The following ATXN7L1 variants were observed in gnomAD, a reference collection of about 807,000 sequenced individuals.
The protein encoded by ATXN7L1 is ataxin-7-like protein 1.
In ATXN7L1, 15 loss-of-function variants were observed where a neutral mutation model predicts 70.8. The observed-to-expected ratio is 0.21, with a 90% CI of 0.14 to 0.33. The LOEUF (loss-of-function observed/expected upper bound fraction) is 0.33. Ranked by LOEUF, ATXN7L1 falls within the 10% of genes least tolerant of loss-of-function variation. The probability of loss-of-function intolerance (pLI) is 1.00; values close to 1 mark genes in which losing one functional copy is unlikely to be tolerated. For missense variants in ATXN7L1, 975 were observed against 1,097.1 expected (o/e 0.89, Z 1.57); for synonymous variants, 440 against 445.1 (o/e 0.99, Z 0.14).
intron 2 of ATXN7L1, among the ~76,000 whole-genome samples, chr7:105,830,052 T>C (rs1336804677): frequency 6.6e-6 from 1 of 152,134 alleles, no homozygotes; most frequent in Non-Finnish European, 1.5e-5. Flanking sequence ...GTGGTAGATG[T>C]TACCCCATCC....
At chr7:105,846,657 C>A (rs1023598107) in intron 2 of ATXN7L1, among the ~76,000 whole-genome samples, 14 of 152,198 alleles carry the variant, frequency 9.2e-5, no homozygotes, top group Admixed American at 2.0e-4. Context: ...AAAACTTATA[C>A]ACATGCTCAC....
intron 3 of ATXN7L1, among the ~76,000 whole-genome samples, chr7:105,786,589 T>G (rs1585002138): frequency 6.6e-6 from 1 of 152,172 alleles, no homozygotes; most frequent in African/African-American, 2.4e-5. Context: ...GGCACAATCA[T>G]AGCTCACAGC....
At chr7:105,694,136 C>A (rs1479591377) in intron 3 of ATXN7L1, among the ~76,000 whole-genome samples, 1 of 151,912 alleles carries the variant, frequency 6.6e-6, no homozygotes, top group Non-Finnish European at 1.5e-5. Flanking sequence ...CAACCTCCGC[C>A]TCCCGGGTTC....
chr7:105,626,697 A>G lies in ATXN7L1; in HGVS notation c.1203-2430T>C, dbSNP rs1354904169. 2.0e-5 allele frequency among the ~76,000 whole-genome samples: 3 copies of G among 152,280 alleles called. No homozygotes were observed. The East Asian group carries it at 5.8e-4, about 29-fold the overall frequency. ...CTTCTGTATCAGGAAGAGCAACAAC[A>G]CTATTGTCTGCTTACCGCTGAAGAC... On this transcript the variant is annotated intron_variant, in intron 7 of 11. Coordinates refer to ENST00000419735, the MANE Select transcript of ATXN7L1 (RefSeq NM_020725.2).
intron 3 of ATXN7L1, among the ~76,000 whole-genome samples, chr7:105,694,801 C>T (rs1036067662): frequency 6.6e-6 from 1 of 152,196 alleles, no homozygotes; most frequent in Non-Finnish European, 1.5e-5. Flanking sequence ...CCCTCTATGG[C>T]GCTTCCAGAG....
At chr7:105,772,602 T>C (rs1374489831) in intron 3 of ATXN7L1, among the ~76,000 whole-genome samples, 1 of 152,130 alleles carries the variant, frequency 6.6e-6, no homozygotes, top group African/African-American at 2.4e-5. Flanking sequence ...ACAATTAAGC[T>C]TACATATACC....
intron 3 of ATXN7L1, among the ~76,000 whole-genome samples, chr7:105,772,305 G>A (rs566622213): frequency 1.7e-3 from 259 of 151,984 alleles, no homozygotes; most frequent in Non-Finnish European, 3.1e-3. Context: ...AACTCCTGAC[G>A]TCAGGTGATC....
intron 2 of ATXN7L1, among the ~76,000 whole-genome samples, chr7:105,797,565 T>C (rs1806178241): frequency 6.6e-6 from 1 of 152,286 alleles, no homozygotes; most frequent in Non-Finnish European, 1.5e-5. Flanking sequence ...CCCTGGAGTT[T>C]GGAAGCCCAA....
rs1338967045 is a variant in ATXN7L1, at chr7:105,627,861, T to TC, written c.1203-3595_1203-3594insG. ...CTTTAGTTTTTTTTTTTTTTTTTTT[T>TC]TGAGATGGAGTCTTGCTCTGTCACC... On this transcript the variant is annotated intron_variant, in intron 7 of 11. Coordinates refer to ENST00000419735, the MANE Select transcript of ATXN7L1 (RefSeq NM_020725.2). Among the ~76,000 whole-genome samples the TC allele has an allele frequency of 2.0e-5, 3 of 146,910 alleles. No homozygotes were observed. In the East Asian group the frequency reaches 6.0e-4, roughly 29 times the overall value.
chr7:105,712,135 G>A (rs555969894), intron 3 of ATXN7L1, among the ~76,000 whole-genome samples: 1 of 152,350 alleles, frequency 6.6e-6, no homozygotes, highest in Admixed American at 6.5e-5. Context: ...TGTGGCTGGA[G>A]CTGGAGCGGC....
At chr7:105,783,919 G>C (rs1006623694) in intron 3 of ATXN7L1, among the ~76,000 whole-genome samples, 3 of 152,090 alleles carry the variant, frequency 2.0e-5, no homozygotes, top group African/African-American at 7.2e-5. Context: ...GTGGGACTGA[G>C]CCTTTAACCT....
At chr7:105,617,671 C>T in intron 9 of ATXN7L1, 1 of 321,334 alleles carries the variant, frequency 3.1e-6, no homozygotes, top group Non-Finnish European at 6.1e-6. Context: ...CTGGGCTGTG[C>T]CCTGGTTTAA....
intron 3 of ATXN7L1, among the ~76,000 whole-genome samples, chr7:105,670,934 G>A (rs551183187): frequency 5.5e-4 from 84 of 152,076 alleles, no homozygotes; most frequent in African/African-American, 1.9e-3. Context: ...GTGAAACCCT[G>A]TCTCTACTAA....
chr7:105,641,774 T>TG (rs1798296852), intron 5 of ATXN7L1, among the ~76,000 whole-genome samples: 1 of 152,334 alleles, frequency 6.6e-6, no homozygotes, highest in South Asian at 2.1e-4. Flanking sequence ...TGACAGTGGG[T>TG]GAGCAGCGCA....
At chr7:105,712,482 C>T (rs570046333) in intron 3 of ATXN7L1, among the ~76,000 whole-genome samples, 18 of 152,316 alleles carry the variant, frequency 1.2e-4, no homozygotes, top group African/African-American at 4.1e-4. Flanking sequence ...CTTTGTTCAG[C>T]ACATGAGCAT....
intron 3 of ATXN7L1, among the ~76,000 whole-genome samples, chr7:105,728,296 C>T (rs965928611): frequency 6.6e-6 from 1 of 152,108 alleles, no homozygotes; most frequent in Non-Finnish European, 1.5e-5. Flanking sequence ...GTCCTCTATT[C>T]GATAACATTG....
At chr7:105,761,351 T>C in intron 3 of ATXN7L1, 1 of 1,613,680 alleles carries the variant, frequency 6.2e-7, no homozygotes, top group Non-Finnish European at 8.5e-7. Context: ...TTTCAGAAGT[T>C]GTACGTCTCT....
chr7:105,744,358 G>C lies in ATXN7L1; in HGVS notation c.355+44246C>G, dbSNP rs182537295. Among the ~76,000 whole-genome samples, 213 of 152,236 alleles carry C rather than the reference G, an allele frequency of 1.4e-3. 1 individual carries two copies. Among genetic ancestry groups the C allele is most frequent in the African/African-American group, 4.5e-3 (188 of 41,548 alleles). Reference sequence around the variant, plus strand: ...GGAGACTAAATCCGCTAGGGAGAGAGTCCCTTATCTTGCCCAAGAGCTTAG... The same window carrying C: ...GGAGACTAAATCCGCTAGGGAGAGACTCCCTTATCTTGCCCAAGAGCTTAG... On this transcript the variant is annotated intron_variant, in intron 3 of 11. Transcript: ENST00000419735.
intron 4 of ATXN7L1, among the ~76,000 whole-genome samples, chr7:105,661,420 G>A (rs1231454876): frequency 6.6e-6 from 1 of 152,170 alleles, no homozygotes; most frequent in Non-Finnish European, 1.5e-5. Context: ...GTTGGGCTGA[G>A]GGACTAACTC....
Sources: gnomAD v4.1 joint callset for allele counts (sites outside exome capture counted in the v4.1 genomes callset) on GRCh38, gnomAD v4.1.1 for gene constraint, MANE v1.5 for transcripts, NCBI Gene and HGNC (gene_info 2026-07-23, HGNC 2026-07-21) for gene names.